Variants in KDM5A observed in about 807,000 individuals in gnomAD.
KDM5A encodes lysine-specific demethylase 5A.
KDM5A carries 42 observed loss-of-function variants against 193.5 expected under a neutral mutation model. The observed-to-expected ratio is 0.22, with a 90% confidence interval of 0.17 to 0.28. The LOEUF is 0.28. KDM5A is among the 10% of genes least tolerant of loss of function. The pLI, the probability that KDM5A is intolerant of heterozygous loss-of-function variation, is 1.00. For missense variants in KDM5A, 1,692 were observed against 2,055.1 expected, an observed-to-expected ratio of 0.82 and a Z score of 3.42; for synonymous variants, 796 against 718.1, an observed-to-expected ratio of 1.11 and a Z score of -1.73.
chr12:356,237 T>G (rs1944228035), intron 6 of KDM5A, among the ~76,000 whole-genome samples, 195 bp downstream of exon 6: 1 of 152,202 alleles, frequency 6.6e-6, no homozygotes, highest in Admixed American at 6.5e-5. Context: ...ATCATAAAAA[T>G]TCAACATAAC....
At chr12:370,681 A>G (rs942960849) in intron 3 of KDM5A, among the ~76,000 whole-genome samples, 3 of 151,956 alleles carry the variant, frequency 2.0e-5, no homozygotes, top group Admixed American at 2.0e-4. Context: ...TTTGTTACAT[A>G]TGTATACGTG....
rs763626820 is a variant in KDM5A at position 313,151 on chromosome 12, C to T, written c.2941G>A (p.Ala981Thr). The T allele has an allele frequency of 3.7e-6, 6 of 1,614,090 alleles. No homozygotes were observed. Among genetic ancestry groups the T allele is most frequent in the Non-Finnish European group, 5.1e-6 (6 of 1,179,964 alleles). ...GGTAGAAAGGCTGGAATGTTCTTGG[C>T]TTCATTCACAATGCTTTCTAAACTT... ...VASLESIVNE[A>T]KNIPAFLPNV... Residue 981 changes from alanine (A) to threonine (T), a missense_variant, in exon 20 of 28, where the codon GCC (alanine) becomes ACC (threonine). Ala to Thr is a moderately conservative substitution (Grantham distance 58). Coordinates refer to ENST00000399788, the MANE Select transcript of KDM5A (RefSeq NM_001042603.3).
At chr12:360,266 T>A (rs2137463342) in intron 5 of KDM5A, among the ~76,000 whole-genome samples, 1 of 151,776 alleles carries the variant, frequency 6.6e-6, no homozygotes, top group East Asian at 1.9e-4. Flanking sequence ...ACAGCAAGAC[T>A]CTGTCTTAAA....
At chr12:303,289 G>A (rs1718674455) in intron 24 of KDM5A, among the ~76,000 whole-genome samples, 1 of 152,106 alleles carries the variant, frequency 6.6e-6, no homozygotes, top group South Asian at 2.1e-4. Flanking sequence ...TAGAATAGAT[G>A]AAGAAAATGC....
chr12:318,467 A>G lies in KDM5A; in HGVS notation c.2542-6T>C. On this transcript the variant is annotated splice_polypyrimidine_tract_variant and splice_region_variant and intron_variant, in intron 18 of 27. Transcript: ENST00000399788. ...TCCACATCATCTAGCAGATTCTGAAAAGGTCAAAAGAAATAAAAATCAGAA... is the reference window on the plus strand; with the variant it reads ...TCCACATCATCTAGCAGATTCTGAAGAGGTCAAAAGAAATAAAAATCAGAA... 2 of 1,600,508 alleles carry G rather than the reference A, an allele frequency of 1.2e-6. No homozygotes were observed. The highest frequency in any genetic ancestry group is 1.7e-6 in the Non-Finnish European group (2 of 1,167,574).
At chr12:335,337 A>T (rs989766136) in intron 10 of KDM5A, among the ~76,000 whole-genome samples, 10 of 152,220 alleles carry the variant, frequency 6.6e-5, no homozygotes, top group African/African-American at 2.4e-4. Context: ...ACAGTTCTCA[A>T]AATGGGATCC....
intron 26 of KDM5A, among the ~76,000 whole-genome samples, chr12:293,792 G>A (rs1423601189): frequency 7.5e-6 from 1 of 133,576 alleles, no homozygotes. Flanking sequence ...AAAAAAAGGG[G>A]GGGGGGGGGA....
chr12:382,159 T>A (rs989458719), intron 3 of KDM5A, among the ~76,000 whole-genome samples: 1 of 152,096 alleles, frequency 6.6e-6, no homozygotes. Flanking sequence ...TGGCCACGCA[T>A]GGTGGCTCAC....
In KDM5A at chr12:283,128, T is replaced by A. The variant is rs534660126; in HGVS notation, c.*2328A>T. 3.2e-4 allele frequency: 75 copies of A among 231,174 alleles called. No individual in the cohort carries two copies. The highest frequency in any genetic ancestry group is 6.2e-4 in the Admixed American group (11 of 17,746). 14.3% of individuals were successfully genotyped at this position (231,174 alleles called of 1,614,324 possible). A position where few individuals can be genotyped will look rare whatever the true frequency, so the allele number is the denominator to read the frequency against. On this transcript the variant is annotated 3_prime_UTR_variant, in exon 28 of 28. Coordinates refer to ENST00000399788, the MANE Select transcript of KDM5A (RefSeq NM_001042603.3). ...CACTGATAGTGGAATAGTTAATGGATGATTAGGAAGGAAAAATAAAAATTT... is the reference window on the plus strand; with the variant it reads ...CACTGATAGTGGAATAGTTAATGGAAGATTAGGAAGGAAAAATAAAAATTT...
rs1555126244 is a variant in KDM5A at position 293,778 on chromosome 12, C to CAA, written c.4456-611_4456-610dup. Among the ~76,000 whole-genome samples the CAA allele has an allele frequency of 1.7e-3, 44 of 26,336 alleles. 2 individuals are homozygous for CAA. The highest frequency in any genetic ancestry group is 4.9e-3 in the African/African-American group (39 of 7,920). 17.3% of individuals were successfully genotyped at this position (26,336 alleles called of 152,430 possible). A position where few individuals can be genotyped will look rare whatever the true frequency, so the allele number is the denominator to read the frequency against. On this transcript the variant is annotated intron_variant, in intron 26 of 27. Coordinates refer to ENST00000399788, the MANE Select transcript of KDM5A (RefSeq NM_001042603.3). ...TGAGCAACAGAGCAAGACTCCATCT[C>CAA]AAAAAAAAAAGGGGGGGGGGGGGAT...
chr12:346,547 T>C (rs939891416), intron 10 of KDM5A, among the ~76,000 whole-genome samples: 1 of 152,142 alleles, frequency 6.6e-6, no homozygotes, highest in African/African-American at 2.4e-5. Flanking sequence ...CAGCAGCACG[T>C]CAAAAAGCTT....
At chr12:346,030 A>G (rs1944069882) in intron 10 of KDM5A, among the ~76,000 whole-genome samples, 1 of 151,862 alleles carries the variant, frequency 6.6e-6, no homozygotes, top group African/African-American at 2.4e-5. Context: ...CAAGACTAAT[A>G]AAAAAGAAAG....
chr12:347,106 T>C (rs1235561627), intron 10 of KDM5A, among the ~76,000 whole-genome samples: 1 of 151,996 alleles, frequency 6.6e-6, no homozygotes, highest in Admixed American at 6.6e-5. Context: ...ATCACAAGCA[T>C]TCTTATATAT....
Position 334,250 on chromosome 12 carries a change from T to C in KDM5A, c.1481A>G (p.Tyr494Cys), listed in dbSNP as rs1188320426. 6.2e-7 allele frequency: 1 copy of C among 1,614,020 alleles called. No individual in the cohort carries two copies. The highest frequency in any genetic ancestry group is 2.2e-5 in the East Asian group (1 of 44,876). ...TTTAGACTGTACATACCAGTGCAAG[T>C]AGTTGATGGAATAACTCCAGTGATC... ...IEDHWSYSIN[Y>C]LHWGEPKTWY... Residue 494 changes from tyrosine (Y) to cysteine (C), a missense_variant, in exon 11 of 28, where the codon TAC (tyrosine) becomes TGC (cysteine). Physicochemically the swap from Tyr to Cys is radical, Grantham distance 194. Coordinates refer to ENST00000399788, the MANE Select transcript of KDM5A (RefSeq NM_001042603.3).
intron 24 of KDM5A, among the ~76,000 whole-genome samples, chr12:303,796 T>C (rs1306876892): frequency 3.9e-5 from 6 of 151,928 alleles, no homozygotes; most frequent in African/African-American, 1.4e-4. Flanking sequence ...CTACAGGTTT[T>C]CAAACCTAGA....
chr12:296,505 A>G (rs1241676083), intron 25 of KDM5A, among the ~76,000 whole-genome samples: 1 of 152,164 alleles, frequency 6.6e-6, no homozygotes, highest in Non-Finnish European at 1.5e-5. Context: ...ATGAACAGAC[A>G]ATAATACACA....
intron 24 of KDM5A, 22 bp downstream of exon 24, chr12:306,924 C>CA: frequency 1.9e-6 from 3 of 1,610,110 alleles, no homozygotes; most frequent in Non-Finnish European, 2.5e-6. Context: ...TATGTACCCA[C>CA]ACAGCTTGTC....
intron 24 of KDM5A, among the ~76,000 whole-genome samples, chr12:302,016 TA>T (rs1483260989): frequency 6.6e-6 from 1 of 151,988 alleles, no homozygotes; most frequent in South Asian, 2.1e-4. Flanking sequence ...CTCAACGAAA[TA>T]AAAGAGGATA....
At chr12:334,913 C>T (rs1355946861) in intron 10 of KDM5A, among the ~76,000 whole-genome samples, 2 of 151,962 alleles carry the variant, frequency 1.3e-5, no homozygotes, top group African/African-American at 2.4e-5. Context: ...TACAAACACA[C>T]CTAGAAATAC....
Sources: allele counts gnomAD v4.1 joint callset (sites outside exome capture counted in the v4.1 genomes callset), GRCh38; gene constraint gnomAD v4.1.1; transcripts MANE v1.5; gene names NCBI Gene and HGNC (gene_info 2026-07-23, HGNC 2026-07-21).